VRK1: variants seen among roughly 807,000 people sequenced by gnomAD.
VRK1 encodes the protein VRK serine/threonine kinase 1.
A neutral mutation model predicts 57.1 loss-of-function variants in VRK1; 33 were observed. The ratio of observed to expected loss-of-function variants is 0.58; its 90% CI spans 0.44 to 0.77. The LOEUF is 0.77. Among genes scored for constraint, VRK1 ranks in the 30% least tolerant of loss-of-function variants. The pLI is 0.00. For synonymous variants in VRK1, 137 were observed against 147.8 expected (o/e 0.93, Z 0.53); for missense variants, 413 against 477.3 (o/e 0.87, Z 1.25).
At chr14:96,854,663 G>T (rs1335604517) in intron 7 of VRK1, among the ~76,000 whole-genome samples, 3 of 152,238 alleles carry the variant, frequency 2.0e-5, no homozygotes, top group Middle Eastern at 6.8e-3. Context: ...ATAGATAAAA[G>T]CCTGATCTAA....
intron 1 of VRK1, among the ~76,000 whole-genome samples, chr14:96,832,759 C>A (rs1485513168): frequency 6.6e-6 from 1 of 152,092 alleles, no homozygotes; most frequent in African/African-American, 2.4e-5. Context: ...CCAGCCTTGC[C>A]CAGATGATTA....
At chr14:96,831,733 TGTCC>T (rs1887012824) in intron 1 of VRK1, among the ~76,000 whole-genome samples, 3 of 152,186 alleles carry the variant, frequency 2.0e-5, no homozygotes, top group Non-Finnish European at 4.4e-5. Flanking sequence ...AAAAACATGT[TGTCC>T]ACTCATTTTA....
chr14:96,858,791 A>G (rs539284845), intron 10 of VRK1: 1 of 152,284 alleles, frequency 6.6e-6, no homozygotes, highest in South Asian at 2.1e-4. Context: ...CTTTATTTAA[A>G]GCTTGATATC....
chr14:96,805,019 GAA>G (rs1490071974), intron 1 of VRK1, among the ~76,000 whole-genome samples: 2 of 152,216 alleles, frequency 1.3e-5, no homozygotes, highest in Admixed American at 1.3e-4. Context: ...TACCAGGCCT[GAA>G]AAGAGTCCAA....
intron 11 of VRK1, among the ~76,000 whole-genome samples, chr14:96,867,570 T>C (rs145028242): frequency 1.8e-3 from 267 of 152,228 alleles, no homozygotes; most frequent in African/African-American, 6.1e-3. Context: ...GCTTAATGCC[T>C]GTCTTAGACG....
At chr14:96,877,456 C>T (rs1261943660) in intron 12 of VRK1, 1 of 1,276,012 alleles carries the variant, frequency 7.8e-7, no homozygotes, top group Non-Finnish European at 1.0e-6. Context: ...CCTTTCGCTA[C>T]TGTCTTTTTT....
At chr14:96,828,896 A>AG (rs1886901332) in intron 1 of VRK1, among the ~76,000 whole-genome samples, 1 of 152,204 alleles carries the variant, frequency 6.6e-6, no homozygotes, top group African/African-American at 2.4e-5. Context: ...CTGAGATTAT[A>AG]GGGGCCAGCA....
At chr14:96,864,559 TAAG>T (rs1888509554) in intron 11 of VRK1, among the ~76,000 whole-genome samples, 2 of 152,166 alleles carry the variant, frequency 1.3e-5, no homozygotes, top group Non-Finnish European at 2.9e-5. Context: ...ATAATGCTGT[TAAG>T]AACATTATTT....
Position 96,865,742 on chromosome 14 carries a change from A to G in VRK1, c.1068+5007A>G, listed in dbSNP as rs189105650. The stretch of plus-strand genomic sequence containing the variant: ...ACACAACATCCATGTCTATTTTCTT[A>G]TAACTGCTTAATTCTTCTGTTTTTT... On this transcript the variant is annotated intron_variant, in intron 11 of 12. Coordinates refer to ENST00000216639, the MANE Select transcript of VRK1 (RefSeq NM_003384.3). 5.7e-4 allele frequency among the ~76,000 whole-genome samples: 86 copies of G among 150,616 alleles called. No individual in the cohort carries two copies. In the East Asian group the frequency reaches 0.015, roughly 27 times the overall value.
At chr14:96,820,988 T>C (rs1428996611) in intron 1 of VRK1, among the ~76,000 whole-genome samples, 1 of 152,048 alleles carries the variant, frequency 6.6e-6, no homozygotes, top group Non-Finnish European at 1.5e-5. Context: ...CCCTAGAGAG[T>C]TTGATTTTGT....
chr14:96,850,793 C>A (rs1047477158), intron 5 of VRK1, among the ~76,000 whole-genome samples: 6 of 152,122 alleles, frequency 3.9e-5, no homozygotes, highest in African/African-American at 1.4e-4. Flanking sequence ...GGAATATTTG[C>A]GTTAATACCT....
intron 11 of VRK1, among the ~76,000 whole-genome samples, chr14:96,873,359 G>A (rs1888902542): frequency 6.6e-6 from 1 of 152,132 alleles, no homozygotes; most frequent in Non-Finnish European, 1.5e-5. Context: ...GTGAGAAGCT[G>A]CTAATTAACT....
At chr14:96,874,499 AT>A (rs983375385) in intron 11 of VRK1, among the ~76,000 whole-genome samples, 1 of 152,156 alleles carries the variant, frequency 6.6e-6, no homozygotes, top group African/African-American at 2.4e-5. Context: ...GATGTAAGGC[AT>A]TCTCCCCTTT....
intron 12 of VRK1, chr14:96,877,580 GGGA>G (rs1889095242): frequency 7.8e-7 from 1 of 1,289,284 alleles, no homozygotes; most frequent in Non-Finnish European, 1.0e-6. Context: ...GACAGTGAGT[GGGA>G]ACAAAATTAA....
intron 7 of VRK1, among the ~76,000 whole-genome samples, chr14:96,854,665 C>G (rs933904864): frequency 1.3e-5 from 2 of 152,064 alleles, no homozygotes; most frequent in African/African-American, 2.4e-5. Context: ...AGATAAAAGC[C>G]TGATCTAACA....
chr14:96,809,570 CTTT>C (rs566987608), intron 1 of VRK1, among the ~76,000 whole-genome samples: 36 of 128,530 alleles, frequency 2.8e-4, no homozygotes, highest in African/African-American at 9.9e-4. Flanking sequence ...TGCTTGCTTT[CTTT>C]TTTTTTTTTT....
chr14:96,837,672 C>A, intron 2 of VRK1, 90 bp from the exon 3 acceptor site: 1 of 730,466 alleles, frequency 1.4e-6, no homozygotes, highest in Non-Finnish European at 2.0e-6. Flanking sequence ...GAAGTGTATT[C>A]TATCAAGGGT....
At chr14:96,879,310 A>G (rs1401703977) in intron 12 of VRK1, among the ~76,000 whole-genome samples, 2 of 152,192 alleles carry the variant, frequency 1.3e-5, no homozygotes, top group Non-Finnish European at 2.9e-5. Context: ...AGCAAAGTCA[A>G]CAAGGTGCGT....
At chr14:96,860,773 T>G in intron 11 of VRK1, 38 bp downstream of exon 11, 1 of 1,600,866 alleles carries the variant, frequency 6.2e-7, no homozygotes, top group African/African-American at 1.3e-5. Flanking sequence ...GGTCTTCTTG[T>G]GTTTATAATT....
Sources: allele counts gnomAD v4.1 joint callset (sites outside exome capture counted in the v4.1 genomes callset), GRCh38; gene constraint gnomAD v4.1.1; transcripts MANE v1.5; gene names NCBI Gene and HGNC (gene_info 2026-07-23, HGNC 2026-07-21).